The following SLC4A10 variants were observed in gnomAD, a reference collection of about 807,000 sequenced individuals.
SLC4A10 encodes the protein sodium-driven chloride bicarbonate exchanger.
Under a neutral mutation model 137.7 loss-of-function variants are expected in SLC4A10, and 42 were observed. The ratio of observed to expected loss-of-function variants is 0.30; its 90% CI spans 0.24 to 0.39. SLC4A10 has a LOEUF of 0.39. Among genes scored for constraint, SLC4A10 ranks in the 10% least tolerant of loss-of-function variants. The pLI is 1.00. For synonymous variants in SLC4A10, 474 were observed against 464.1 expected (o/e 1.02, Z -0.27); for missense variants, 925 against 1,355.0 (o/e 0.68, Z 4.98).
chr2:161,780,595 TG>T (rs2052891477), intron 2 of SLC4A10, among the ~76,000 whole-genome samples: 2 of 152,198 alleles, frequency 1.3e-5, no homozygotes, highest in South Asian at 2.1e-4. Context: ...TGATCCCTTT[TG>T]AAATAAGCTT....
intron 1 of SLC4A10, among the ~76,000 whole-genome samples, chr2:161,735,020 G>T (rs2047197741): frequency 6.6e-6 from 1 of 151,354 alleles, no homozygotes; most frequent in Non-Finnish European, 1.5e-5. Context: ...TTAAACTTCT[G>T]CCTGATTGTA....
At chr2:161,725,358 T>G (rs1367002184) in intron 1 of SLC4A10, among the ~76,000 whole-genome samples, 1 of 152,204 alleles carries the variant, frequency 6.6e-6, no homozygotes, top group Non-Finnish European at 1.5e-5. Context: ...GTTTTAAAGA[T>G]TTTTAAGGAG....
intron 4 of SLC4A10, among the ~76,000 whole-genome samples, chr2:161,848,607 A>G (rs767076145): frequency 6.6e-6 from 1 of 152,176 alleles, no homozygotes; most frequent in Non-Finnish European, 1.5e-5. Context: ...ATGGCTAGCC[A>G]GTTATCCCAG....
chr2:161,686,497 A>G (rs2124877481), intron 1 of SLC4A10, among the ~76,000 whole-genome samples: 1 of 152,314 alleles, frequency 6.6e-6, no homozygotes, highest in Middle Eastern at 3.4e-3. Context: ...TTCTTCAAGG[A>G]CAGTTTGACA....
intron 2 of SLC4A10, among the ~76,000 whole-genome samples, chr2:161,783,860 A>G (rs914961048): frequency 3.9e-5 from 6 of 151,914 alleles, no homozygotes; most frequent in Non-Finnish European, 8.8e-5. Flanking sequence ...TTACAAGGCT[A>G]ACAGAAAACA....
At chr2:161,640,015 A>G (rs370195402) in intron 1 of SLC4A10, among the ~76,000 whole-genome samples, 70 of 152,338 alleles carry the variant, frequency 4.6e-4, no homozygotes, top group African/African-American at 1.6e-3. Context: ...AAGCAATTCC[A>G]TTTATAATAG....
chr2:161,964,219 G>C lies in SLC4A10; in HGVS notation c.2947G>C (p.Val983Leu). The change falls in exon 22 of 27, where the codon GTG becomes CTG. Residue 983 changes from valine (V) to leucine (L), a missense_variant. By Grantham distance (32) the Val-to-Leu change is conservative (BLOSUM62 1). Coordinates refer to ENST00000446997, the MANE Select transcript of SLC4A10 (RefSeq NM_001178015.2). ...IYLRHVPLRK[V>L]HLFTIIQMSC... ...CCTAAGGCACGTACCGCTTCGAAAA[G>C]TGCATCTCTTCACAATTATTCAGAT... 6.2e-6 allele frequency: 10 copies of C among 1,613,558 alleles called. No individual in the cohort carries two copies. Among genetic ancestry groups the C allele is most frequent in the Non-Finnish European group, 8.5e-6 (10 of 1,179,648 alleles).
chr2:161,901,918 T>C, intron 12 of SLC4A10: 2 of 404,968 alleles, frequency 4.9e-6, no homozygotes, highest in Non-Finnish European at 9.6e-6. Context: ...TCAAATGCTG[T>C]CTTTTTATTT....
In SLC4A10 at chr2:161,785,365, C is replaced by T. The variant is rs558714507; in HGVS notation, c.130+14311C>T. ...GAAGAAGAGGAAATACCTCCAAACT[C>T]ATTGTATGATGCCAGCATTACCCTG... On this transcript the variant is annotated intron_variant, in intron 2 of 26. Transcript: ENST00000446997. Among the ~76,000 whole-genome samples the T allele has an allele frequency of 8.6e-5, 13 of 151,196 alleles. No homozygotes were observed. In the South Asian group the frequency reaches 2.7e-3, roughly 31 times the overall value.
intron 11 of SLC4A10, among the ~76,000 whole-genome samples, chr2:161,896,141 G>GT (rs2063475045): frequency 6.6e-6 from 1 of 152,120 alleles, no homozygotes; most frequent in East Asian, 1.9e-4. Context: ...TGGCTAGCCA[G>GT]TTTTCCCAGC....
chr2:161,957,368 A>C (rs1695845580), intron 20 of SLC4A10, 128 bp downstream of exon 20: 6 of 1,102,270 alleles, frequency 5.4e-6, no homozygotes, highest in Non-Finnish European at 7.6e-6. Flanking sequence ...TGAATTTCTG[A>C]ACCATGTTTA....
intron 1 of SLC4A10, among the ~76,000 whole-genome samples, chr2:161,728,329 T>C (rs1574609555): frequency 6.6e-6 from 1 of 152,088 alleles, no homozygotes; most frequent in South Asian, 2.1e-4. Context: ...AATCCCAACA[T>C]TTTGGGAGCT....
In SLC4A10 at chr2:161,837,320, CAAATT is replaced by C. The variant is rs546388662; in HGVS notation, c.278-2465_278-2461del. ...CTACACTAGCATTAAAAATTGGAAA[CAAATT>C]AAAAAATATAATAGCCTCAAGAAAT... is the stretch of plus-strand genomic sequence containing the variant. On this transcript the variant is annotated intron_variant, in intron 3 of 26. Coordinates refer to ENST00000446997, the MANE Select transcript of SLC4A10 (RefSeq NM_001178015.2). 1.8e-4 allele frequency among the ~76,000 whole-genome samples: 27 copies of C among 151,884 alleles called. No individual in the cohort carries two copies. The South Asian group carries it at 5.2e-3, about 29-fold the overall frequency.
intron 1 of SLC4A10, among the ~76,000 whole-genome samples, chr2:161,653,021 G>T: frequency 6.6e-6 from 1 of 151,832 alleles, no homozygotes; most frequent in East Asian, 1.9e-4. Context: ...CCCTCGAGAG[G>T]CCTCAGTGTG....
intron 2 of SLC4A10, among the ~76,000 whole-genome samples, chr2:161,799,181 T>C (rs2055107686): frequency 6.6e-6 from 1 of 151,800 alleles, no homozygotes; most frequent in African/African-American, 2.4e-5. Flanking sequence ...TTAAGAAATG[T>C]CCACTTGAAA....
At chr2:161,866,675 G>A (rs62188765) in intron 6 of SLC4A10, among the ~76,000 whole-genome samples, 9,223 of 151,802 alleles carry the variant, frequency 0.061, 371 homozygotes, top group East Asian at 0.13. Context: ...CAAAATAAAT[G>A]TATCGAAAAT....
At chr2:161,870,657 GTTA>G (rs1393755206) in intron 6 of SLC4A10, among the ~76,000 whole-genome samples, 2 of 151,782 alleles carry the variant, frequency 1.3e-5, no homozygotes, top group African/African-American at 4.8e-5. Context: ...TAAAACTACA[GTTA>G]TTATTTTGAG....
intron 2 of SLC4A10, among the ~76,000 whole-genome samples, chr2:161,782,671 T>A (rs1260099606): frequency 1.3e-5 from 2 of 149,518 alleles, no homozygotes; most frequent in African/African-American, 4.9e-5. Context: ...CAAACAGGAA[T>A]CATGAAGTTG....
intron 15 of SLC4A10, among the ~76,000 whole-genome samples, chr2:161,941,942 A>G (rs1394315810): frequency 6.6e-6 from 1 of 152,140 alleles, no homozygotes; most frequent in Non-Finnish European, 1.5e-5. Flanking sequence ...ATACTGCCCA[A>G]CTCAGTTGTT....
Sources: allele counts gnomAD v4.1 joint callset (sites outside exome capture counted in the v4.1 genomes callset), GRCh38; gene constraint gnomAD v4.1.1; transcripts MANE v1.5; gene names NCBI Gene and HGNC (gene_info 2026-07-23, HGNC 2026-07-21).